The following USP53 variants were observed in gnomAD, a reference collection of about 807,000 sequenced individuals.
USP53 encodes ubiquitin carboxyl-terminal hydrolase 53.
In USP53, 71 loss-of-function variants were observed where a neutral mutation model predicts 94.9. That is an observed-to-expected ratio of 0.75 (90% CI 0.62 to 0.91). The LOEUF is 0.91. Ranked by LOEUF, USP53 falls within the 40% of genes least tolerant of loss-of-function variation. The pLI is 0.00. For synonymous variants in USP53, 375 were observed against 422.7 expected, an observed-to-expected ratio of 0.89 and a Z score of 1.39; for missense variants, 1,173 against 1,281.0, an observed-to-expected ratio of 0.92 and a Z score of 1.29.
rs1300841578 is a variant in USP53, at chr4:119,271,298, T to G, written c.1438T>G (p.Leu480Val). ...QRKDLGRHRD[L>V]VDEDLSHFQS... ...TATCTTTAATTTTTTTTTTTAAGAT[T>G]TGGTTGATGAAGACCTTTCACATTT... Residue 480 changes from leucine (L) to valine (V), a missense_variant and splice_region_variant, in exon 16 of 19, where the codon TTG becomes GTG. Coordinates refer to ENST00000692078, the MANE Select transcript of USP53 (RefSeq NM_001371395.1). The G allele has an allele frequency of 6.5e-7, 1 of 1,540,208 alleles. No homozygotes were observed. Among genetic ancestry groups the G allele is most frequent in the Non-Finnish European group, 8.7e-7 (1 of 1,149,314 alleles).
intron 6 of USP53, 38 bp downstream of exon 6, chr4:119,245,467 G>T: frequency 1.3e-6 from 2 of 1,583,472 alleles, no homozygotes; most frequent in East Asian, 2.2e-5. Context: ...ACTATCAATT[G>T]TTCCTTCAAA....
chr4:119,283,310 T>C (rs1753717648), intron 17 of USP53, among the ~76,000 whole-genome samples: 1 of 152,000 alleles, frequency 6.6e-6, no homozygotes, highest in African/African-American at 2.4e-5. Flanking sequence ...AGTAGTTTGG[T>C]ATATGCAGGG....
intron 17 of USP53, among the ~76,000 whole-genome samples, chr4:119,284,656 G>A (rs1402316942): frequency 6.6e-6 from 1 of 151,694 alleles, no homozygotes; most frequent in African/African-American, 2.4e-5. Flanking sequence ...TTATTTCCAA[G>A]TAAAAAGTTA....
intron 17 of USP53, among the ~76,000 whole-genome samples, chr4:119,286,867 C>T (rs1374231036): frequency 6.6e-6 from 1 of 151,828 alleles, no homozygotes; most frequent in East Asian, 1.9e-4. Flanking sequence ...AAAAGATTGG[C>T]AAAGTTTTCG....
intron 5 of USP53, among the ~76,000 whole-genome samples, chr4:119,243,503 TA>T (rs1747824468): frequency 6.6e-6 from 1 of 151,866 alleles, no homozygotes; most frequent in Non-Finnish European, 1.5e-5. Context: ...ATCTAAAAAA[TA>T]AATAAATAAA....
chr4:119,223,474 T>A (rs1359441697), intron 3 of USP53, among the ~76,000 whole-genome samples: 1 of 152,200 alleles, frequency 6.6e-6, no homozygotes, highest in Non-Finnish European at 1.5e-5. Flanking sequence ...TGGATGTGCA[T>A]ATCCCAATTT....
chr4:119,241,809 C>G (rs939388486), intron 5 of USP53, among the ~76,000 whole-genome samples: 1 of 152,142 alleles, frequency 6.6e-6, no homozygotes, highest in Non-Finnish European at 1.5e-5. Flanking sequence ...TGTCTCTTCC[C>G]TCCTTTGGGG....
Position 119,271,320 on chromosome 4 carries a change from A to C in USP53, c.1460A>C (p.His487Pro), listed in dbSNP as rs1031599575. ...GATTTGGTTGATGAAGACCTTTCAC[A>C]TTTCCAATCTGGATCACCTCCTGCC... is the stretch of plus-strand genomic sequence containing the variant. Reference protein sequence around the residue: ...HRDLVDEDLSHFQSGSPPAPN... With the variant: ...HRDLVDEDLSPFQSGSPPAPN... The change falls in exon 16 of 19, where the codon CAT (histidine) becomes CCT (proline). Residue 487 changes from histidine to proline, a missense_variant. Coordinates refer to ENST00000692078, the MANE Select transcript of USP53 (RefSeq NM_001371395.1). 6.4e-7 allele frequency: 1 copy of C among 1,565,464 alleles called. No individual in the cohort carries two copies. The highest frequency in any genetic ancestry group is 1.4e-5 in the African/African-American group (1 of 72,338).
At chr4:119,213,801 C>T (rs1380340096) in intron 1 of USP53, among the ~76,000 whole-genome samples, 3 of 151,256 alleles carry the variant, frequency 2.0e-5, no homozygotes, top group African/African-American at 7.3e-5. Flanking sequence ...TTGCTTGAAC[C>T]GGAGGTTGCA....
At chr4:119,219,902 C>CTTTCT (rs1009396187) in intron 3 of USP53, 1 of 152,022 alleles carries the variant, frequency 6.6e-6, no homozygotes, top group Admixed American at 6.6e-5. Context: ...GACTTATTTC[C>CTTTCT]TTTCTTTTCT....
At chr4:119,268,506 C>A in intron 14 of USP53, 86 bp downstream of exon 14, 1 of 1,314,774 alleles carries the variant, frequency 7.6e-7, no homozygotes, top group Non-Finnish European at 1.0e-6. Flanking sequence ...CCTAGCTTTC[C>A]TTGGCTGTGA....
At chr4:119,247,284 G>A (rs1013858674) in intron 6 of USP53, among the ~76,000 whole-genome samples, 5 of 152,056 alleles carry the variant, frequency 3.3e-5, no homozygotes, top group Non-Finnish European at 5.9e-5. Flanking sequence ...TTGCATTTTA[G>A]CCAAACTGGG....
intron 10 of USP53, 56 bp from the exon 11 acceptor site, chr4:119,260,451 A>G (rs1750356095): frequency 2.6e-6 from 4 of 1,512,382 alleles, no homozygotes; most frequent in Non-Finnish European, 3.6e-6. Context: ...CAAACTGTGT[A>G]AGGCTGCCTG....
chr4:119,289,102 G>A (rs1447892161), intron 17 of USP53, among the ~76,000 whole-genome samples: 1 of 152,124 alleles, frequency 6.6e-6, no homozygotes, highest in East Asian at 1.9e-4. Context: ...ACTTGTGGTG[G>A]ATACAAGTTT....
chr4:119,217,776 G>A (rs756900304), intron 3 of USP53, 103 bp downstream of exon 3: 1 of 152,160 alleles, frequency 6.6e-6, no homozygotes, highest in Non-Finnish European at 1.5e-5. Context: ...AATTATGAAG[G>A]GAGGGAGGGC....
chr4:119,221,140 A>G (rs1744452537), intron 3 of USP53: 2 of 152,186 alleles, frequency 1.3e-5, no homozygotes, highest in African/African-American at 2.4e-5. Context: ...GAAAAAGAAC[A>G]TGGAATAGCT....
intron 3 of USP53, among the ~76,000 whole-genome samples, chr4:119,226,299 A>T (rs963264742): frequency 6.6e-6 from 1 of 152,224 alleles, no homozygotes; most frequent in Non-Finnish European, 1.5e-5. Flanking sequence ...TTGGCATTGT[A>T]CAGGACGTCC....
At chr4:119,227,299 A>ACACACACACACAC (rs1491380548) in intron 3 of USP53, among the ~76,000 whole-genome samples, 72 of 145,704 alleles carry the variant, frequency 4.9e-4, no homozygotes, top group Non-Finnish European at 7.1e-4. Context: ...ACACACACAC[A>ACACACACACACAC]AACTTGAAAT....
chr4:119,226,016 TAA>T (rs1359628825), intron 3 of USP53, among the ~76,000 whole-genome samples: 2 of 152,336 alleles, frequency 1.3e-5, no homozygotes, highest in African/African-American at 4.8e-5. Flanking sequence ...TTACAAAATT[TAA>T]AAGTTTTGAC....
Sources: gnomAD v4.1 joint callset for allele counts (sites outside exome capture counted in the v4.1 genomes callset) on GRCh38, gnomAD v4.1.1 for gene constraint, MANE v1.5 for transcripts, NCBI Gene and HGNC (gene_info 2026-07-23, HGNC 2026-07-21) for gene names.